The following MACROD2 variants were observed in gnomAD, a reference collection of about 807,000 sequenced individuals.
MACROD2 encodes mono-ADP ribosylhydrolase 2, also known as ADP-ribose glycohydrolase MACROD2.
In MACROD2, 36 loss-of-function variants were observed where a neutral mutation model predicts 70.4. That is an observed-to-expected ratio of 0.51 (90% CI 0.39 to 0.68). The LOEUF (loss-of-function observed/expected upper bound fraction) is 0.68, where lower values mean the gene tolerates loss of function less well. Among genes scored for constraint, MACROD2 ranks in the 30% least tolerant of loss-of-function variants. The probability of loss-of-function intolerance (pLI) is 0.00; values close to 1 mark genes in which losing one functional copy is unlikely to be tolerated. For synonymous variants in MACROD2, 172 were observed against 178.8 expected, an observed-to-expected ratio of 0.96 and a Z score of 0.30; for missense variants, 496 against 538.4, an observed-to-expected ratio of 0.92 and a Z score of 0.78.
chr20:14,151,451 C>A (rs1264886193), intron 3 of MACROD2, among the ~76,000 whole-genome samples: 1 of 152,028 alleles, frequency 6.6e-6, no homozygotes, highest in Non-Finnish European at 1.5e-5. Flanking sequence ...TGCTATGAGA[C>A]CCAGGTAAGA....
chr20:15,565,913 C>T (rs148871284), intron 8 of MACROD2, among the ~76,000 whole-genome samples: 2,356 of 152,188 alleles, frequency 0.015, 29 homozygotes, highest in Admixed American at 0.022. Context: ...ACTGGGTTTG[C>T]AGTTAGGACT....
At chr20:15,716,386 C>T (rs904344988) in intron 8 of MACROD2, among the ~76,000 whole-genome samples, 3 of 152,070 alleles carry the variant, frequency 2.0e-5, no homozygotes, top group Admixed American at 6.6e-5. Flanking sequence ...GATATGTGTT[C>T]GCATTTTGAT....
At chr20:14,830,618 G>A (rs2072953665) in intron 5 of MACROD2, among the ~76,000 whole-genome samples, 1 of 152,108 alleles carries the variant, frequency 6.6e-6, no homozygotes, top group African/African-American at 2.4e-5. Flanking sequence ...CCAACATGCA[G>A]ATTGAGAGAA....
At chr20:14,317,616 C>CAAAAAA (rs57339002) in intron 3 of MACROD2, among the ~76,000 whole-genome samples, 1 of 112,738 alleles carries the variant, frequency 8.9e-6, no homozygotes. Flanking sequence ...GAGACTGTCT[C>CAAAAAA]AAAAAAAAAA....
intron 6 of MACROD2, among the ~76,000 whole-genome samples, chr20:15,385,863 G>A (rs2045705714): frequency 6.6e-6 from 1 of 152,068 alleles, no homozygotes; most frequent in South Asian, 2.1e-4. Flanking sequence ...TTCCTGAAAA[G>A]ACCAAAGAGA....
chr20:14,940,534 G>A lies in MACROD2; in HGVS notation c.418+255575G>A, dbSNP rs547766911. 5.9e-5 allele frequency among the ~76,000 whole-genome samples: 9 copies of A among 152,264 alleles called. No homozygotes were observed. The East Asian group carries it at 1.5e-3, about 26-fold the overall frequency. On this transcript the variant is annotated intron_variant, in intron 5 of 17. Transcript: ENST00000684519. ...ATGTTCAGTACAATGGTAGCTGTGG[G>A]TTTTGTCATATAGCCTTTATTATTT...
intron 3 of MACROD2, among the ~76,000 whole-genome samples, chr20:14,334,276 T>C (rs886212484): frequency 3.3e-5 from 5 of 152,234 alleles, no homozygotes; most frequent in African/African-American, 1.2e-4. Flanking sequence ...GTGATGTCGA[T>C]CTGTATTTTG....
intron 10 of MACROD2, among the ~76,000 whole-genome samples, chr20:15,896,591 T>C (rs1398493703): frequency 6.6e-6 from 1 of 152,012 alleles, no homozygotes; most frequent in Non-Finnish European, 1.5e-5. Flanking sequence ...CTCTTTCTCT[T>C]TCCTGGAAAT....
intron 3 of MACROD2, among the ~76,000 whole-genome samples, chr20:14,220,368 T>C (rs2081660600): frequency 1.3e-5 from 2 of 152,110 alleles, no homozygotes; most frequent in South Asian, 4.1e-4. Context: ...AGGGCTGGTC[T>C]CACTCCCCCA....
chr20:15,968,384 G>T (rs967994828), intron 13 of MACROD2, among the ~76,000 whole-genome samples: 5 of 151,944 alleles, frequency 3.3e-5, no homozygotes, highest in Non-Finnish European at 7.4e-5. Context: ...TATTTTCTCA[G>T]GAATACAAAG....
intron 9 of MACROD2, among the ~76,000 whole-genome samples, chr20:15,867,360 C>T (rs1402806895): frequency 6.6e-6 from 1 of 152,154 alleles, no homozygotes; most frequent in African/African-American, 2.4e-5. Flanking sequence ...AAGAAACCAG[C>T]ATCGAATTTT....
chr20:14,381,498 A>G (rs2083419967), intron 3 of MACROD2, among the ~76,000 whole-genome samples: 1 of 152,160 alleles, frequency 6.6e-6, no homozygotes, highest in Non-Finnish European at 1.5e-5. Context: ...TCTTTGTTTC[A>G]GTTGTTATGA....
At chr20:15,600,000 A>G (rs2048797598) in intron 8 of MACROD2, among the ~76,000 whole-genome samples, 1 of 152,162 alleles carries the variant, frequency 6.6e-6, no homozygotes, top group Admixed American at 6.5e-5. Flanking sequence ...ATGATGAGAA[A>G]AGAGGAAGAA....
At chr20:14,465,494 C>T (rs1474160312) in intron 3 of MACROD2, among the ~76,000 whole-genome samples, 1 of 152,038 alleles carries the variant, frequency 6.6e-6, no homozygotes, top group Admixed American at 6.6e-5. Context: ...TCCAATTTGC[C>T]AGTCTGTGGC....
intron 8 of MACROD2, among the ~76,000 whole-genome samples, chr20:15,753,537 T>A (rs1002691048): frequency 1.3e-5 from 2 of 152,226 alleles, no homozygotes; most frequent in East Asian, 1.9e-4. Flanking sequence ...CTATGTTGAT[T>A]CCATGACTTT....
chr20:15,131,983 G>T (rs995886920), intron 5 of MACROD2, among the ~76,000 whole-genome samples: 11 of 151,722 alleles, frequency 7.3e-5, no homozygotes, highest in African/African-American at 2.4e-4. Flanking sequence ...CTATATACAA[G>T]AAATAATTCT....
chr20:15,370,913 G>C (rs962899965), intron 6 of MACROD2, among the ~76,000 whole-genome samples: 3 of 151,864 alleles, frequency 2.0e-5, no homozygotes, highest in East Asian at 3.9e-4. Context: ...AGCTTCCTGG[G>C]GGCAAAAGAA....
chr20:14,935,062 A>C (rs1015709193), intron 5 of MACROD2: 7 of 152,042 alleles, frequency 4.6e-5, no homozygotes, highest in African/African-American at 1.7e-4. Flanking sequence ...CAGGGTGAAA[A>C]ATGGGGATCG....
chr20:15,832,341 G>T (rs916650534), intron 8 of MACROD2, among the ~76,000 whole-genome samples: 1 of 152,112 alleles, frequency 6.6e-6, no homozygotes, highest in African/African-American at 2.4e-5. Context: ...TCCCATCAGT[G>T]CTAAAGAAGA....
Sources: gnomAD v4.1 joint callset for allele counts (sites outside exome capture counted in the v4.1 genomes callset) on GRCh38, gnomAD v4.1.1 for gene constraint, MANE v1.5 for transcripts, NCBI Gene and HGNC (gene_info 2026-07-23, HGNC 2026-07-21) for gene names.